The following AGBL4 variants were observed in gnomAD, a reference collection of about 807,000 sequenced individuals.
The protein encoded by AGBL4 is cytosolic carboxypeptidase 6.
AGBL4 carries 58 observed loss-of-function variants against 66.4 expected under a neutral mutation model. The observed-to-expected ratio is 0.87, with a 90% CI of 0.71 to 1.09. AGBL4 has a LOEUF of 1.09. Ranked by LOEUF, AGBL4 falls within the 50% of genes least tolerant of loss-of-function variation. The pLI, the probability that AGBL4 is intolerant of heterozygous loss-of-function variation, is 0.00. For missense variants in AGBL4, 579 were observed against 631.0 expected, an observed-to-expected ratio of 0.92 and a Z score of 0.88; for synonymous variants, 234 against 222.9, an observed-to-expected ratio of 1.05 and a Z score of -0.44.
chr1:49,909,841 C>T lies in AGBL4; in HGVS notation c.35-58323G>A, dbSNP rs183282768. Among the ~76,000 whole-genome samples, 356 of 152,246 alleles carry T rather than the reference C, an allele frequency of 2.3e-3. 3 individuals carry two copies. Among genetic ancestry groups the T allele is most frequent in the Admixed American group, 2.9e-3 (44 of 15,288 alleles). On this transcript the variant is annotated intron_variant, in intron 1 of 13. Transcript: ENST00000371839. ...AGAGAAAGAGAGGATTTAAGAATAACTTCAAGGTTTCTGGCTTGAAGAGCA... is the reference window on the plus strand; with the variant it reads ...AGAGAAAGAGAGGATTTAAGAATAATTTCAAGGTTTCTGGCTTGAAGAGCA...
At chr1:48,610,801 C>T (rs1395635144) in intron 9 of AGBL4, among the ~76,000 whole-genome samples, 1 of 152,160 alleles carries the variant, frequency 6.6e-6, no homozygotes, top group Non-Finnish European at 1.5e-5. Flanking sequence ...TCCCACACTC[C>T]CTGTCTCCTG....
At chr1:48,591,479 C>T (rs1388334354) in intron 9 of AGBL4, among the ~76,000 whole-genome samples, 1 of 152,108 alleles carries the variant, frequency 6.6e-6, no homozygotes, top group East Asian at 1.9e-4. Flanking sequence ...AAATCATGTC[C>T]CCACTTTGAG....
chr1:49,787,719 G>C (rs2147920704), intron 2 of AGBL4, among the ~76,000 whole-genome samples: 1 of 152,170 alleles, frequency 6.6e-6, no homozygotes, highest in East Asian at 1.9e-4. Flanking sequence ...AACCACACGG[G>C]GTGAAGTCTG....
intron 2 of AGBL4, among the ~76,000 whole-genome samples, chr1:49,832,729 G>T (rs1188705581): frequency 3.9e-5 from 6 of 152,110 alleles, no homozygotes; most frequent in Admixed American, 6.6e-5. Context: ...GTTTTGATTT[G>T]CATTTCTCTG....
At chr1:49,047,404 C>T (rs958058404) in intron 4 of AGBL4, among the ~76,000 whole-genome samples, 2 of 152,046 alleles carry the variant, frequency 1.3e-5, no homozygotes, top group Non-Finnish European at 2.9e-5. Flanking sequence ...AGGTGTTTGG[C>T]CCACCAATAG....
At chr1:49,433,919 C>T (rs535929296) in intron 3 of AGBL4, among the ~76,000 whole-genome samples, 1 of 152,242 alleles carries the variant, frequency 6.6e-6, no homozygotes, top group African/African-American at 2.4e-5. Context: ...CAAGAAATTG[C>T]CACTGTCCTT....
intron 3 of AGBL4, among the ~76,000 whole-genome samples, chr1:49,382,753 A>C (rs1293315349): frequency 6.6e-6 from 1 of 152,350 alleles, no homozygotes; most frequent in East Asian, 1.9e-4. Flanking sequence ...ATGATCTTAC[A>C]TGTAAAGACC....
intron 3 of AGBL4, among the ~76,000 whole-genome samples, chr1:49,352,539 G>T (rs1456876099): frequency 2.0e-5 from 3 of 151,966 alleles, no homozygotes; most frequent in Non-Finnish European, 4.4e-5. Flanking sequence ...CCCTCCTTCT[G>T]GCCTTCCAGG....
intron 3 of AGBL4, among the ~76,000 whole-genome samples, chr1:49,693,349 TAAC>T (rs1364748745): frequency 6.6e-6 from 1 of 152,138 alleles, no homozygotes; most frequent in Non-Finnish European, 1.5e-5. Context: ...TTGTTACTTA[TAAC>T]AACAACAAAT....
intron 3 of AGBL4, among the ~76,000 whole-genome samples, chr1:49,265,848 T>C (rs1643907972): frequency 6.6e-6 from 1 of 152,150 alleles, no homozygotes; most frequent in South Asian, 2.1e-4. Context: ...TAGACACATA[T>C]GTATACATAT....
chr1:49,076,856 A>C (rs955968487), intron 4 of AGBL4, among the ~76,000 whole-genome samples: 24 of 152,282 alleles, frequency 1.6e-4, no homozygotes, highest in African/African-American at 5.5e-4. Flanking sequence ...TGCCTCATTC[A>C]GTGTCACTAA....
At chr1:48,554,727 A>G (rs1281006605) in intron 11 of AGBL4, among the ~76,000 whole-genome samples, 1 of 152,076 alleles carries the variant, frequency 6.6e-6, no homozygotes, top group Non-Finnish European at 1.5e-5. Context: ...AGTTTCATTT[A>G]TTACAAGCAA....
At chr1:49,443,617 A>G (rs1178011153) in intron 3 of AGBL4, among the ~76,000 whole-genome samples, 1 of 151,726 alleles carries the variant, frequency 6.6e-6, no homozygotes, top group Non-Finnish European at 1.5e-5. Context: ...TGTTCCATTG[A>G]TCTATGTGCC....
chr1:49,872,267 T>A (rs1646855360), intron 1 of AGBL4, among the ~76,000 whole-genome samples: 1 of 152,066 alleles, frequency 6.6e-6, no homozygotes, highest in Admixed American at 6.6e-5. Flanking sequence ...TTATAAACTA[T>A]TTTGTGAGTA....
chr1:48,528,556 G>C (rs1478707523), downstream of AGBL4, among the ~76,000 whole-genome samples: 3 of 152,058 alleles, frequency 2.0e-5, no homozygotes, highest in East Asian at 3.9e-4. Context: ...AGGTGTGGTA[G>C]AGTTGTGTTT....
At chr1:49,409,499 G>A (rs1156663076) in intron 3 of AGBL4, among the ~76,000 whole-genome samples, 1 of 152,114 alleles carries the variant, frequency 6.6e-6, no homozygotes, top group African/African-American at 2.4e-5. Context: ...TAATAGGGGT[G>A]CAAACACAAC....
chr1:49,907,973 TTTAA>T (rs1650440184), intron 1 of AGBL4, among the ~76,000 whole-genome samples: 1 of 152,140 alleles, frequency 6.6e-6, no homozygotes, highest in African/African-American at 2.4e-5. Context: ...AAATAAAGTC[TTTAA>T]TTAAAAAAAA....
chr1:49,233,973 G>A (rs1650522361), intron 4 of AGBL4, among the ~76,000 whole-genome samples: 1 of 152,142 alleles, frequency 6.6e-6, no homozygotes. Context: ...AAGCTCCCAT[G>A]TGGGCTGTTT....
At chr1:49,772,514 T>C (rs954804061) in intron 2 of AGBL4, among the ~76,000 whole-genome samples, 3 of 152,188 alleles carry the variant, frequency 2.0e-5, no homozygotes, top group African/African-American at 7.2e-5. Context: ...TTGTTTTGCG[T>C]AGCCCTACTT....
Sources: allele counts gnomAD v4.1 joint callset (sites outside exome capture counted in the v4.1 genomes callset), GRCh38; gene constraint gnomAD v4.1.1; transcripts MANE v1.5; gene names NCBI Gene and HGNC (gene_info 2026-07-23, HGNC 2026-07-21).